The following GGACT variants were observed in gnomAD, a reference collection of about 807,000 sequenced individuals.
The protein encoded by GGACT is gamma-glutamylaminecyclotransferase.
For synonymous variants in GGACT, 118 were observed against 115.3 expected (o/e 1.02, Z -0.15); for missense variants, 241 against 233.2 (o/e 1.03, Z -0.22).
At chr13:100,552,836 G>A (rs543797368) in intron 2 of GGACT, among the ~76,000 whole-genome samples, 134 of 152,340 alleles carry the variant, frequency 8.8e-4, no homozygotes, top group Non-Finnish European at 1.4e-3. Context: ...TGGCAGAGAT[G>A]CTGAGTGCTG....
chr13:100,567,815 T>C (rs1215155374), intron 2 of GGACT, among the ~76,000 whole-genome samples: 2 of 152,198 alleles, frequency 1.3e-5, no homozygotes, highest in African/African-American at 4.8e-5. Flanking sequence ...TTAATAACTC[T>C]CTTCTTTGAC....
At chr13:100,570,482 G>C (rs1875049148) in intron 2 of GGACT, among the ~76,000 whole-genome samples, 1 of 152,140 alleles carries the variant, frequency 6.6e-6, no homozygotes, top group South Asian at 2.1e-4. Flanking sequence ...CAGGATGGGG[G>C]GGAACCGCTG....
chr13:100,540,734 C>CAAGGA (rs2088545196), intron 2 of GGACT, among the ~76,000 whole-genome samples: 1 of 152,180 alleles, frequency 6.6e-6, no homozygotes, highest in Non-Finnish European at 1.5e-5. Flanking sequence ...TCATGTTCAG[C>CAAGGA]CCATCTCCAA....
intron 2 of GGACT, among the ~76,000 whole-genome samples, chr13:100,562,516 C>A (rs2088772324): frequency 6.6e-6 from 1 of 152,148 alleles, no homozygotes; most frequent in Admixed American, 6.5e-5. Context: ...GCACATGAGG[C>A]CAGGTGTGGT....
intron 2 of GGACT, among the ~76,000 whole-genome samples, chr13:100,549,402 G>A (rs2088637238): frequency 6.6e-6 from 1 of 152,240 alleles, no homozygotes; most frequent in African/African-American, 2.4e-5. Flanking sequence ...CTTCAAACCA[G>A]CACAGCGCCA....
At chr13:100,560,452 C>G (rs910045578) in intron 2 of GGACT, among the ~76,000 whole-genome samples, 2 of 152,210 alleles carry the variant, frequency 1.3e-5, no homozygotes, top group African/African-American at 4.8e-5. Context: ...GTGAATATGG[C>G]TAGAAGTCTC....
intron 2 of GGACT, among the ~76,000 whole-genome samples, chr13:100,560,234 C>T (rs2088747506): frequency 6.6e-6 from 1 of 152,166 alleles, no homozygotes; most frequent in Non-Finnish European, 1.5e-5. Context: ...ACGCACTGAA[C>T]TTTAAACAGT....
At chr13:100,572,775 G>A (rs1409441629) in intron 2 of GGACT, among the ~76,000 whole-genome samples, 1 of 152,140 alleles carries the variant, frequency 6.6e-6, no homozygotes, top group Non-Finnish European at 1.5e-5. Flanking sequence ...TAAGAATGCA[G>A]AGTCCTCAAA....
At chr13:100,562,158 C>A (rs1361304223) in intron 2 of GGACT, among the ~76,000 whole-genome samples, 2 of 152,098 alleles carry the variant, frequency 1.3e-5, no homozygotes, top group Non-Finnish European at 2.9e-5. Context: ...ACTGGAAGTA[C>A]ACAGAAGTTG....
At chr13:100,564,054 G>A (rs773390805) in intron 2 of GGACT, among the ~76,000 whole-genome samples, 4 of 152,166 alleles carry the variant, frequency 2.6e-5, no homozygotes, top group Admixed American at 6.5e-5. Context: ...GGCTCCCCAC[G>A]CCTGTTGAGT....
intron 2 of GGACT, among the ~76,000 whole-genome samples, chr13:100,564,283 T>G (rs772017462): frequency 2.0e-5 from 3 of 152,182 alleles, no homozygotes; most frequent in Non-Finnish European, 4.4e-5. Context: ...ACTACTAACT[T>G]TTAGATTAAA....
At chr13:100,547,359 T>C (rs879518485) in intron 2 of GGACT, among the ~76,000 whole-genome samples, 9 of 152,198 alleles carry the variant, frequency 5.9e-5, no homozygotes, top group Non-Finnish European at 8.8e-5. Context: ...ATGGAAATGC[T>C]CCTTATACTG....
intron 2 of GGACT, among the ~76,000 whole-genome samples, chr13:100,571,273 T>C (rs576315355): frequency 2.6e-5 from 4 of 152,312 alleles, no homozygotes; most frequent in African/African-American, 9.6e-5. Flanking sequence ...GGCAATACAT[T>C]TCAGATGAAC....
At chr13:100,555,099 A>G (rs1305832085) in intron 2 of GGACT, among the ~76,000 whole-genome samples, 1 of 152,228 alleles carries the variant, frequency 6.6e-6, no homozygotes, top group Non-Finnish European at 1.5e-5. Context: ...TTGAACACTT[A>G]AGGAAGAAAT....
At position 100,530,278 on chromosome 13, in the gene GGACT, C is replaced by G. The variant is rs978174904; in HGVS notation, c.*1852G>C. The stretch of plus-strand genomic sequence containing the variant: ...GAACACCCCTGTGCAGCTACGTTTA[C>G]GTCGTCATTTATTCCACAGAGTCAA... On this transcript the variant is annotated 3_prime_UTR_variant, in exon 3 of 3. Transcript: ENST00000683975. 4.6e-6 allele frequency: 4 copies of G among 871,742 alleles called. No individual in the cohort carries two copies. The highest frequency in any genetic ancestry group is 7.7e-6 in the Non-Finnish European group (4 of 522,492). 54.0% of individuals were successfully genotyped at this position (871,742 alleles called of 1,614,324 possible). A position where few individuals can be genotyped will look rare whatever the true frequency, so the allele number is the denominator to read the frequency against.
intron 2 of GGACT, among the ~76,000 whole-genome samples, chr13:100,578,385 G>A (rs1003088484): frequency 1.3e-5 from 2 of 152,212 alleles, no homozygotes; most frequent in African/African-American, 4.8e-5. Context: ...TAAGATATCT[G>A]CCAGTTAGCC....
intron 2 of GGACT, among the ~76,000 whole-genome samples, chr13:100,576,092 A>G (rs1226152777): frequency 1.3e-5 from 2 of 152,222 alleles, no homozygotes; most frequent in Non-Finnish European, 2.9e-5. Flanking sequence ...TATCTATATA[A>G]TATCCTGGCT....
At chr13:100,585,504 A>T (rs1160814957) in intron 1 of GGACT, among the ~76,000 whole-genome samples, 1 of 152,194 alleles carries the variant, frequency 6.6e-6, no homozygotes, top group Non-Finnish European at 1.5e-5. Context: ...ACGGTGGCTC[A>T]CGGCTGTAAT....
At chr13:100,588,637 GCCGCGCAGGGAGCGACGCC>G (rs1202108950) in intron 1 of GGACT, 85 bp downstream of exon 1, 2 of 151,736 alleles carry the variant, frequency 1.3e-5, no homozygotes. Context: ...CGACCCGGAC[GCCGCGCAGGGAGCGACGCC>G]CCAGGTTCCC....
Sources: allele counts gnomAD v4.1 joint callset (sites outside exome capture counted in the v4.1 genomes callset), GRCh38; gene constraint gnomAD v4.1.1; transcripts MANE v1.5; gene names NCBI Gene and HGNC (gene_info 2026-07-23, HGNC 2026-07-21).